MAPK10: variants seen among roughly 807,000 people sequenced by gnomAD.
The protein encoded by MAPK10 is JNK3 alpha protein kinase.
A neutral mutation model predicts 59.3 loss-of-function variants in MAPK10; 25 were observed. That is an observed-to-expected ratio of 0.42 (90% CI 0.31 to 0.59). The LOEUF (loss-of-function observed/expected upper bound fraction) is 0.59, where lower values mean the gene tolerates loss of function less well. Ranked by LOEUF, MAPK10 falls within the 20% of genes least tolerant of loss-of-function variation. MAPK10 has a pLI of 0.15. For missense variants in MAPK10, 351 were observed against 568.9 expected, an observed-to-expected ratio of 0.62 and a Z score of 3.90; for synonymous variants, 190 against 200.5, an observed-to-expected ratio of 0.95 and a Z score of 0.44.
chr4:86,484,314 T>C (rs1184350283), intron 1 of MAPK10, among the ~76,000 whole-genome samples: 1 of 152,230 alleles, frequency 6.6e-6, no homozygotes, highest in Non-Finnish European at 1.5e-5. Flanking sequence ...ATTATCCTCA[T>C]TTTGCAGATA....
At chr4:86,462,682 T>G (rs1174870078) in intron 1 of MAPK10, among the ~76,000 whole-genome samples, 1 of 152,170 alleles carries the variant, frequency 6.6e-6, no homozygotes, top group Non-Finnish European at 1.5e-5. Flanking sequence ...ATGGACAACC[T>G]GGGAATATTC....
intron 1 of MAPK10, among the ~76,000 whole-genome samples, chr4:86,411,025 T>C (rs760064426): frequency 3.9e-5 from 6 of 152,066 alleles, no homozygotes; most frequent in Non-Finnish European, 5.9e-5. Flanking sequence ...CCTGCTTTCT[T>C]TTGTGGGCAT....
intron 2 of MAPK10, among the ~76,000 whole-genome samples, chr4:86,215,513 A>G (rs1337340319): frequency 6.6e-6 from 1 of 152,208 alleles, no homozygotes; most frequent in Non-Finnish European, 1.5e-5. Flanking sequence ...ATACAGATAA[A>G]AAGAAATTCA....
chr4:86,075,187 G>A (rs1209616346), intron 9 of MAPK10, among the ~76,000 whole-genome samples: 3 of 152,006 alleles, frequency 2.0e-5, no homozygotes, highest in South Asian at 2.1e-4. Flanking sequence ...TGATCGCATC[G>A]GCTCCTGAGG....
At chr4:86,208,503 A>C (rs28803213) in intron 2 of MAPK10, among the ~76,000 whole-genome samples, 28,399 of 149,468 alleles carry the variant, frequency 0.19, 3,484 homozygotes, top group African/African-American at 0.34. Flanking sequence ...TGATTATCTC[A>C]ATAGATGCAG....
chr4:86,505,661 T>C (rs1388481837), intron 1 of MAPK10, among the ~76,000 whole-genome samples: 2 of 152,156 alleles, frequency 1.3e-5, no homozygotes, highest in Non-Finnish European at 2.9e-5. Context: ...GCCTCAGATA[T>C]TTCTTTTCTT....
intron 13 of MAPK10, chr4:86,026,956 C>T (rs911506846): frequency 1.3e-5 from 2 of 152,104 alleles, no homozygotes; most frequent in Non-Finnish European, 2.9e-5. Flanking sequence ...GTAAATCCTT[C>T]GTGCCTGATT....
chr4:86,293,660 T>C, intron 2 of MAPK10, among the ~76,000 whole-genome samples: 1 of 152,114 alleles, frequency 6.6e-6, no homozygotes, highest in East Asian at 1.9e-4. Flanking sequence ...TAGCACTGGC[T>C]TCTGCTTCTG....
At chr4:86,346,353 TG>T (rs1728189848) in intron 2 of MAPK10, among the ~76,000 whole-genome samples, 1 of 152,202 alleles carries the variant, frequency 6.6e-6, no homozygotes, top group Admixed American at 6.5e-5. Context: ...CCATATACTT[TG>T]TCAACTCTGC....
chr4:86,460,154 G>A (rs905490470), intron 1 of MAPK10, among the ~76,000 whole-genome samples: 2 of 152,170 alleles, frequency 1.3e-5, no homozygotes, highest in African/African-American at 4.8e-5. Context: ...AGACTGAGAT[G>A]TTCAGACTCC....
intron 1 of MAPK10, among the ~76,000 whole-genome samples, chr4:86,367,909 T>C (rs1206163969): frequency 6.6e-6 from 1 of 152,140 alleles, no homozygotes; most frequent in African/African-American, 2.4e-5. Context: ...ACTCTTGCCA[T>C]GTGACAGGGT....
At position 86,206,315 on chromosome 4, in the gene MAPK10, G is replaced by A. The variant is rs1182565894; in HGVS notation, c.-6-11908C>T. Among the ~76,000 whole-genome samples the A allele has an allele frequency of 2.5e-4, 38 of 151,348 alleles. 1 individual carries two copies. Among genetic ancestry groups the A allele is most frequent in the African/African-American group, 7.8e-4 (32 of 41,112 alleles). The stretch of plus-strand genomic sequence containing the variant: ...GCGGTGTTTGGTTTTTTGTTCTTGC[G>A]ATAGTTTACTGAGAATGATGATTTC... On this transcript the variant is annotated intron_variant, in intron 2 of 13. Coordinates refer to ENST00000641462, the MANE Select transcript of MAPK10 (RefSeq NM_138982.4).
chr4:86,378,349 A>C lies in MAPK10; in HGVS notation c.-121-23705T>G, dbSNP rs555070070. On this transcript the variant is annotated intron_variant, in intron 1 of 13. Transcript: ENST00000361569. The stretch of plus-strand genomic sequence containing the variant: ...CTCCTGTCTGCAACTCTCTTCCTTA[A>C]CGTGTGCATTATTCACACTTCAGTT... 2.6e-5 allele frequency among the ~76,000 whole-genome samples: 4 copies of C among 152,192 alleles called. No individual in the cohort carries two copies. In the East Asian group the frequency reaches 7.7e-4, roughly 29 times the overall value.
In MAPK10 at chr4:86,163,898, A is replaced by G. The variant is rs370420260; in HGVS notation, c.67-4431T>C. ...AGCACTCATCATCAATTCAATTGCT[A>G]GCCTATAGCCATAGAATTTTGCAAA... is the stretch of plus-strand genomic sequence containing the variant. On this transcript the variant is annotated intron_variant, in intron 3 of 13. Coordinates refer to ENST00000641462, the MANE Select transcript of MAPK10 (RefSeq NM_138982.4). Among the ~76,000 whole-genome samples, 3 of 152,304 alleles carry G rather than the reference A, an allele frequency of 2.0e-5. No individual in the cohort carries two copies. The East Asian group carries it at 5.8e-4, about 29-fold the overall frequency.
intron 2 of MAPK10, among the ~76,000 whole-genome samples, chr4:86,275,079 G>T (rs2094534824): frequency 6.6e-6 from 1 of 152,050 alleles, no homozygotes; most frequent in South Asian, 2.1e-4. Context: ...TTAAAATAAA[G>T]AAAATTAAAC....
intron 11 of MAPK10, among the ~76,000 whole-genome samples, chr4:86,056,183 C>CCAGATACT (rs1394951263): frequency 6.0e-5 from 9 of 149,972 alleles, no homozygotes; most frequent in Admixed American, 6.0e-4. Context: ...ATCATGTCTT[C>CCAGATACT]CAGATACTTC....
chr4:86,568,946 A>G (rs112697727), intron 1 of MAPK10, among the ~76,000 whole-genome samples: 4 of 152,228 alleles, frequency 2.6e-5, no homozygotes, highest in African/African-American at 7.2e-5. Context: ...AAATAGACAA[A>G]TGGGACTTCA....
At chr4:86,122,799 A>G (rs2059469760) in intron 4 of MAPK10, among the ~76,000 whole-genome samples, 1 of 152,096 alleles carries the variant, frequency 6.6e-6, no homozygotes, top group Non-Finnish European at 1.5e-5. Flanking sequence ...TTCATCTTCA[A>G]CATTGCTTCA....
At chr4:86,487,231 T>C (rs1754063243) in intron 1 of MAPK10, among the ~76,000 whole-genome samples, 3 of 152,168 alleles carry the variant, frequency 2.0e-5, no homozygotes, top group Admixed American at 2.0e-4. Context: ...TTAAATTTTA[T>C]AAATTTGACA....
Sources: allele counts gnomAD v4.1 joint callset (sites outside exome capture counted in the v4.1 genomes callset), GRCh38; gene constraint gnomAD v4.1.1; transcripts MANE v1.5; gene names NCBI Gene and HGNC (gene_info 2026-07-23, HGNC 2026-07-21).